The following FSTL5 variants were observed in gnomAD, a reference collection of about 807,000 sequenced individuals.
FSTL5 encodes the protein follistatin like 5, also known as follistatin-related protein 5.
In FSTL5, 62 loss-of-function variants were observed where a neutral mutation model predicts 89.1. The observed-to-expected ratio is 0.70, with a 90% CI of 0.57 to 0.86. The LOEUF is 0.86. Ranked by LOEUF, FSTL5 falls within the 40% of genes least tolerant of loss-of-function variation. The probability of loss-of-function intolerance (pLI) is 0.00; values close to 1 mark genes in which losing one functional copy is unlikely to be tolerated. For missense variants in FSTL5, 1,057 were observed against 1,001.6 expected, an observed-to-expected ratio of 1.06 and a Z score of -0.75; for synonymous variants, 383 against 346.2, an observed-to-expected ratio of 1.11 and a Z score of -1.18.
intron 7 of FSTL5, among the ~76,000 whole-genome samples, chr4:161,622,946 G>C (rs1196523738): frequency 6.6e-6 from 1 of 151,960 alleles, no homozygotes; most frequent in African/African-American, 2.4e-5. Context: ...CAGACGTGAG[G>C]CTTTCTTATT....
chr4:161,556,753 T>G (rs1055159082), intron 8 of FSTL5, among the ~76,000 whole-genome samples: 3 of 150,804 alleles, frequency 2.0e-5, no homozygotes, highest in African/African-American at 7.3e-5. Flanking sequence ...AAAAACCCAC[T>G]AAGATTTAGC....
chr4:161,455,237 A>T, intron 14 of FSTL5, 109 bp from the exon 15 acceptor site: 1 of 739,210 alleles, frequency 1.4e-6, no homozygotes, highest in Non-Finnish European at 2.0e-6. Context: ...GTTTGCATAG[A>T]CTTTATGCCA....
At chr4:161,966,746 A>G (rs775053072) in intron 3 of FSTL5, among the ~76,000 whole-genome samples, 1 of 152,048 alleles carries the variant, frequency 6.6e-6, no homozygotes, top group Non-Finnish European at 1.5e-5. Flanking sequence ...CTTGGACTTC[A>G]AACATCCAGA....
chr4:161,603,301 C>T (rs1263948310), intron 7 of FSTL5, among the ~76,000 whole-genome samples: 1 of 152,128 alleles, frequency 6.6e-6, no homozygotes, highest in Non-Finnish European at 1.5e-5. Flanking sequence ...GTTACGTTTG[C>T]ACTATATTAT....
intron 4 of FSTL5, among the ~76,000 whole-genome samples, chr4:161,849,583 G>T (rs1452367541): frequency 3.3e-5 from 5 of 150,726 alleles, no homozygotes; most frequent in Admixed American, 1.3e-4. Flanking sequence ...AATTCTATTG[G>T]ATATTTTCCC....
At chr4:161,586,455 A>C (rs1023448055) in intron 8 of FSTL5, among the ~76,000 whole-genome samples, 2 of 152,066 alleles carry the variant, frequency 1.3e-5, no homozygotes, top group Non-Finnish European at 2.9e-5. Context: ...TCATTTTTTA[A>C]CTCTCTCTCA....
intron 10 of FSTL5, among the ~76,000 whole-genome samples, chr4:161,511,155 A>G (rs138514371): frequency 0.032 from 4,799 of 152,242 alleles, 114 homozygotes; most frequent in Middle Eastern, 0.068. Flanking sequence ...CAATAACACT[A>G]TATGTTCTTA....
intron 4 of FSTL5, among the ~76,000 whole-genome samples, chr4:161,788,436 T>G (rs779086849): frequency 1.3e-5 from 2 of 152,322 alleles, no homozygotes; most frequent in East Asian, 1.9e-4. Context: ...CAGCCTCTGA[T>G]AGTTGTTCCA....
At position 161,385,737 on chromosome 4, in the gene FSTL5, C is replaced by T. The variant is rs760950961; in HGVS notation, c.*10G>A. The T allele has an allele frequency of 9.2e-6, 14 of 1,518,520 alleles. No homozygotes were observed. Among genetic ancestry groups the T allele is most frequent in the South Asian group, 5.0e-5 (4 of 80,696 alleles). 94.1% of individuals were successfully genotyped at this position (1,518,520 alleles called of 1,614,324 possible). On this transcript the variant is annotated 3_prime_UTR_variant, in exon 16 of 16. Transcript: ENST00000306100. ...AAAACGCTTCATTCAATAATTGTAT[C>T]GTAGGGTTTTTAGGCATCTCCAACC...
chr4:162,097,280 G>T (rs906477696), intron 2 of FSTL5, among the ~76,000 whole-genome samples: 1 of 150,342 alleles, frequency 6.7e-6, no homozygotes, highest in Admixed American at 6.6e-5. Context: ...TTTTTTTTTA[G>T]CAATGAAATG....
chr4:161,882,153 CT>C (rs1560897515), intron 4 of FSTL5, among the ~76,000 whole-genome samples: 1 of 152,072 alleles, frequency 6.6e-6, no homozygotes, highest in Admixed American at 6.6e-5. Context: ...TAAAGCCCTT[CT>C]TTTTTATTTC....
At chr4:162,055,532 TA>T (rs1738513490) in intron 2 of FSTL5, among the ~76,000 whole-genome samples, 3 of 139,668 alleles carry the variant, frequency 2.1e-5, no homozygotes, top group Non-Finnish European at 3.2e-5. Flanking sequence ...GGATGATAGA[TA>T]GATAGATAGA....
At chr4:161,892,838 C>T (rs770394236) in intron 4 of FSTL5, among the ~76,000 whole-genome samples, 25 of 152,058 alleles carry the variant, frequency 1.6e-4, no homozygotes, top group Admixed American at 6.6e-4. Context: ...ATATTTTACA[C>T]GTTAGTCAAT....
chr4:161,924,126 C>A (rs1481364174), intron 3 of FSTL5, among the ~76,000 whole-genome samples: 1 of 151,482 alleles, frequency 6.6e-6, no homozygotes, highest in Non-Finnish European at 1.5e-5. Context: ...GAACTTATAT[C>A]CTGGTAGCTT....
intron 6 of FSTL5, among the ~76,000 whole-genome samples, chr4:161,705,410 A>G (rs907105199): frequency 1.3e-5 from 2 of 152,128 alleles, no homozygotes; most frequent in Admixed American, 6.6e-5. Context: ...TTGAATTTAA[A>G]AGAAATGAGA....
At chr4:162,091,619 C>T (rs764439069) in intron 2 of FSTL5, among the ~76,000 whole-genome samples, 1 of 152,084 alleles carries the variant, frequency 6.6e-6, no homozygotes, top group Non-Finnish European at 1.5e-5. Context: ...GGAGTTCATC[C>T]TCCAAGGTTT....
At chr4:161,586,446 C>T (rs898807841) in intron 8 of FSTL5, among the ~76,000 whole-genome samples, 60 of 152,128 alleles carry the variant, frequency 3.9e-4, no homozygotes, top group African/African-American at 1.4e-3. Context: ...TCCTTAGCAT[C>T]ATTTTTTAAC....
intron 2 of FSTL5, among the ~76,000 whole-genome samples, chr4:162,089,101 C>CCTCT (rs138397763): frequency 2.0e-5 from 3 of 150,144 alleles, no homozygotes; most frequent in South Asian, 4.2e-4. Context: ...TATCTCTTTC[C>CCTCT]CTCTCTCTCT....
chr4:161,833,077 T>G (rs1386686078), intron 4 of FSTL5, among the ~76,000 whole-genome samples: 1 of 151,368 alleles, frequency 6.6e-6, no homozygotes, highest in Non-Finnish European at 1.5e-5. Flanking sequence ...TCTGGTATGT[T>G]GTGTCTTTGT....
Sources: gnomAD v4.1 joint callset for allele counts (sites outside exome capture counted in the v4.1 genomes callset) on GRCh38, gnomAD v4.1.1 for gene constraint, MANE v1.5 for transcripts, NCBI Gene and HGNC (gene_info 2026-07-23, HGNC 2026-07-21) for gene names.